NELL2: variants seen among roughly 807,000 people sequenced by gnomAD.
NELL2 encodes neural EGFL like 2.
In NELL2, 41 loss-of-function variants were observed where a neutral mutation model predicts 109.6. The observed-to-expected ratio is 0.37, with a 90% CI of 0.29 to 0.49. The LOEUF (loss-of-function observed/expected upper bound fraction) is 0.49, where lower values mean the gene tolerates loss of function less well. Ranked by LOEUF, NELL2 falls within the 20% of genes least tolerant of loss-of-function variation. NELL2 has a pLI of 0.98. For missense variants in NELL2, 900 were observed against 1,008.3 expected (o/e 0.89, Z 1.45); for synonymous variants, 355 against 344.7 (o/e 1.03, Z -0.33).
chr12:44,644,580 G>GTATATATATATATATATATATATA (rs138161908), intron 13 of NELL2, among the ~76,000 whole-genome samples: 2 of 84,392 alleles, frequency 2.4e-5, no homozygotes, highest in South Asian at 4.2e-4. Flanking sequence ...ACAAAGTAAA[G>GTATATATATATATATATATATATA]TATATATATA....
At chr12:44,643,817 T>TCCAGAACC (rs1395906892) in intron 13 of NELL2, among the ~76,000 whole-genome samples, 1 of 152,212 alleles carries the variant, frequency 6.6e-6, no homozygotes, top group East Asian at 1.9e-4. Context: ...GGAATGGTTC[T>TCCAGAACC]ATTATGTGCA....
Position 44,574,819 on chromosome 12 carries a change from T to C in NELL2, c.1663+32350A>G, listed in dbSNP as rs561183332. 1.6e-3 allele frequency among the ~76,000 whole-genome samples: 245 copies of C among 152,326 alleles called. 1 individual carries two copies. The highest frequency in any genetic ancestry group is 3.7e-3 in the Admixed American group (57 of 15,292). On this transcript the variant is annotated intron_variant, in intron 15 of 19. Transcript: ENST00000429094. Reference sequence around the variant, plus strand: ...CTCTCTTATCTTTGTTAGGTATTTATGATGTTACTGACTCATTGAGGCCTT... The same window carrying C: ...CTCTCTTATCTTTGTTAGGTATTTACGATGTTACTGACTCATTGAGGCCTT...
intron 12 of NELL2, among the ~76,000 whole-genome samples, chr12:44,680,647 C>A (rs1374198473): frequency 6.6e-6 from 1 of 152,056 alleles, no homozygotes; most frequent in East Asian, 1.9e-4. Flanking sequence ...AAGCCAGCAC[C>A]AATTTCCTAA....
In NELL2 at chr12:44,521,578, G is replaced by T. The variant is rs747710765; in HGVS notation, c.2175+422C>A. Among the ~76,000 whole-genome samples, 14 of 150,930 alleles carry T rather than the reference G, an allele frequency of 9.3e-5. No individual in the cohort carries two copies. In the South Asian group the frequency reaches 1.9e-3, roughly 21 times the overall value. On this transcript the variant is annotated intron_variant, in intron 18 of 19. Coordinates refer to ENST00000429094, the MANE Select transcript of NELL2 (RefSeq NM_001145108.2). ...GTGGTGGGGGAGGCGGAGTTGCTTTGTTTTTTAAGTCTAAACATAACTGAC... is the reference window on the plus strand; with the variant it reads ...GTGGTGGGGGAGGCGGAGTTGCTTTTTTTTTTAAGTCTAAACATAACTGAC...
intron 9 of NELL2, among the ~76,000 whole-genome samples, chr12:44,736,414 C>T (rs1939656082): frequency 6.6e-6 from 1 of 151,880 alleles, no homozygotes; most frequent in African/African-American, 2.4e-5. Context: ...AACTGCAAGG[C>T]AAAGACTAAG....
At chr12:44,840,847 A>T (rs772575322) in intron 2 of NELL2, among the ~76,000 whole-genome samples, 3 of 152,212 alleles carry the variant, frequency 2.0e-5, no homozygotes, top group Non-Finnish European at 4.4e-5. Context: ...TAAGGTAGAA[A>T]TAGGTCAAAT....
intron 3 of NELL2, among the ~76,000 whole-genome samples, chr12:44,807,932 G>C (rs1331871108): frequency 6.6e-6 from 1 of 152,068 alleles, no homozygotes; most frequent in African/African-American, 2.4e-5. Flanking sequence ...GGAGCGAAGA[G>C]AGTAGATGTG....
intron 9 of NELL2, among the ~76,000 whole-genome samples, chr12:44,742,054 AC>A (rs1004926966): frequency 4.6e-5 from 7 of 151,840 alleles, no homozygotes; most frequent in African/African-American, 1.7e-4. Context: ...ACTGGGAGGC[AC>A]CCCCCAGTAG....
intron 9 of NELL2, among the ~76,000 whole-genome samples, chr12:44,751,681 T>C (rs1169674810): frequency 1.3e-5 from 2 of 152,116 alleles, no homozygotes; most frequent in Non-Finnish European, 2.9e-5. Flanking sequence ...AACTTATATA[T>C]GTTGTTAAAA....
In NELL2 at chr12:44,786,277, AGTT is replaced by A. The variant is rs1407379520; in HGVS notation, c.336-6258_336-6256del. Among the ~76,000 whole-genome samples, 4 of 152,304 alleles carry A rather than the reference AGTT, an allele frequency of 2.6e-5. No individual in the cohort carries two copies. The East Asian group carries it at 5.8e-4, about 22-fold the overall frequency. On this transcript the variant is annotated intron_variant, in intron 3 of 19. Transcript: ENST00000429094. ...TGCAGCCAACAAACACATGAAAAAA[AGTT>A]CATATTACTGGTCATTAGAAAAATG...
At chr12:44,717,910 C>G (rs536721954) in intron 9 of NELL2, among the ~76,000 whole-genome samples, 3 of 152,124 alleles carry the variant, frequency 2.0e-5, no homozygotes, top group Non-Finnish European at 4.4e-5. Context: ...TCCTGGGGGA[C>G]AGAGGACAAA....
chr12:44,823,830 C>CA (rs1201548190), intron 2 of NELL2, among the ~76,000 whole-genome samples: 1 of 152,178 alleles, frequency 6.6e-6, no homozygotes, highest in African/African-American at 2.4e-5. Flanking sequence ...TTCATAATGG[C>CA]TGTACCAATT....
chr12:44,743,629 A>G (rs936986102), intron 9 of NELL2, among the ~76,000 whole-genome samples: 6 of 152,238 alleles, frequency 3.9e-5, no homozygotes, highest in Non-Finnish European at 5.9e-5. Context: ...TGGAAAATAA[A>G]AAAAGGCAGA....
In NELL2 at chr12:44,711,318, G is replaced by A; in HGVS notation, c.1163C>T (p.Ser388Phe). The A allele has an allele frequency of 6.2e-7, 1 of 1,612,514 alleles. No individual in the cohort carries two copies. Among genetic ancestry groups the A allele is most frequent in the Non-Finnish European group, 8.5e-7 (1 of 1,178,882 alleles). Residue 388 changes from serine (S) to phenylalanine (F), a missense_variant, in exon 11 of 20, where the codon TCT becomes TTT. Transcript: ENST00000429094. ...DCPESHQITL[S>F]HSCCKVCKGY... is the part of the protein sequence containing the mutation. Reference sequence around the variant, plus strand: ...TTTACAAACTTTGCAACAGCTGTGAGACAAGGTTATCTGATGAGACTCTGG... The same window carrying A: ...TTTACAAACTTTGCAACAGCTGTGAAACAAGGTTATCTGATGAGACTCTGG...
intron 15 of NELL2, among the ~76,000 whole-genome samples, chr12:44,587,952 C>G (rs372040475): frequency 1.3e-5 from 2 of 152,070 alleles, no homozygotes. Flanking sequence ...GAGATAGAGA[C>G]CATCCTGGCT....
upstream of NELL2, chr12:44,876,536 T>C (rs1196585121): frequency 3.5e-6 from 5 of 1,436,224 alleles, no homozygotes; most frequent in Non-Finnish European, 4.6e-6. Context: ...ACCCGGGCAA[T>C]GCCAACCTCC....
At chr12:44,647,716 A>G (rs1441770775) in intron 13 of NELL2, among the ~76,000 whole-genome samples, 1 of 150,450 alleles carries the variant, frequency 6.6e-6, no homozygotes, top group Non-Finnish European at 1.5e-5. Flanking sequence ...TAAGCAACAG[A>G]AGGTGAATAG....
chr12:44,766,209 T>C (rs1941328313), intron 9 of NELL2, among the ~76,000 whole-genome samples: 1 of 152,228 alleles, frequency 6.6e-6, no homozygotes, highest in South Asian at 2.1e-4. Context: ...TTGTTTTCTT[T>C]AATTCTTAAT....
chr12:44,524,661 A>G (rs1030560273), intron 16 of NELL2, among the ~76,000 whole-genome samples: 4 of 152,188 alleles, frequency 2.6e-5, no homozygotes, highest in Non-Finnish European at 5.9e-5. Context: ...CCTGAAAGTA[A>G]GCCACAGGAC....
Sources: gnomAD v4.1 joint callset for allele counts (sites outside exome capture counted in the v4.1 genomes callset) on GRCh38, gnomAD v4.1.1 for gene constraint, MANE v1.5 for transcripts, NCBI Gene and HGNC (gene_info 2026-07-23, HGNC 2026-07-21) for gene names.